Variants in FAM234A observed in about 807,000 individuals in gnomAD.
The protein encoded by FAM234A is family with sequence similarity 234 member A.
A neutral mutation model predicts 49.1 loss-of-function variants in FAM234A; 42 were observed. The ratio of observed to expected loss-of-function variants is 0.86; its 90% CI spans 0.67 to 1.11. FAM234A has a LOEUF of 1.11. Ranked by LOEUF, FAM234A falls within the 50% of genes least tolerant of loss-of-function variation. FAM234A has a pLI of 0.00. For synonymous variants in FAM234A, 369 were observed against 316.2 expected (o/e 1.17, Z -1.77); for missense variants, 815 against 745.2 (o/e 1.09, Z -1.09).
At position 260,060 on chromosome 16, in the gene FAM234A, C is replaced by A. The variant is rs750610509; in HGVS notation, c.477C>A (p.Leu159=). ...GACCTGTGGCCCAAGACGTGGCCCT[C>A]GTGGAGTGTGCTGTGCCCCAGCCAA... The part of the protein sequence containing the change: ...WERPVAQDVA[L]VECAVPQPRG... The change falls in exon 5 of 13, where the codon CTC becomes CTA. Residue 159 remains leucine, a synonymous_variant. Coordinates refer to ENST00000399932, the MANE Select transcript of FAM234A (RefSeq NM_032039.4). 2.5e-6 allele frequency: 4 copies of A among 1,613,638 alleles called. No homozygotes were observed. In the East Asian group the frequency reaches 8.9e-5, roughly 36 times the overall value.
intron 1 of FAM234A, among the ~76,000 whole-genome samples, chr16:246,491 C>T (rs1390966256): frequency 1.5e-5 from 2 of 133,754 alleles, no homozygotes; most frequent in Non-Finnish European, 3.1e-5. Flanking sequence ...GCGATCTTGG[C>T]TCACTGCAAG....
At chr16:235,156 A>G (rs2050355294) in intron 1 of FAM234A, among the ~76,000 whole-genome samples, 1 of 152,144 alleles carries the variant, frequency 6.6e-6, no homozygotes, top group Non-Finnish European at 1.5e-5. Flanking sequence ...ATGTTCCTCA[A>G]AGCGGGGTTT....
At chr16:241,205 A>G (rs2050600200) in intron 1 of FAM234A, among the ~76,000 whole-genome samples, 1 of 152,024 alleles carries the variant, frequency 6.6e-6, no homozygotes, top group Admixed American at 6.6e-5. Flanking sequence ...CTGGGATTAC[A>G]AATGTATGCT....
At chr16:267,730 G>A (rs113743858), downstream of FAM234A, among the ~76,000 whole-genome samples, 913 of 140,176 alleles carry the variant, frequency 6.5e-3, 6 homozygotes, top group Non-Finnish European at 0.011. Context: ...CACACCACAC[G>A]TGTGCCTCAG....
chr16:264,644 A>C lies in FAM234A; in HGVS notation c.1375A>C (p.Met459Leu). The C allele has an allele frequency of 2.5e-6, 4 of 1,611,704 alleles. No homozygotes were observed. Among genetic ancestry groups the C allele is most frequent in the East Asian group, 2.2e-5 (1 of 44,876 alleles). The change falls in exon 12 of 13, where the codon ATG (methionine) becomes CTG (leucine). Residue 459 changes from methionine to leucine, a missense_variant. Physicochemically the swap from Met to Leu is conservative, Grantham distance 15. Transcript: ENST00000399932. ...CGGGGAGGCCCGGCACAGCCTGTAC[A>C]TGTTCCACCCCACCCTGCCGCGCGT... ...ETGEARHSLY[M>L]FHPTLPRVLL...
In FAM234A at chr16:247,438, A is replaced by AT. The variant is rs997568258; in HGVS notation, c.-139-2099dup. The stretch of plus-strand genomic sequence containing the variant: ...GACAACACTCCCAGCCTTATTAATG[A>AT]TTTTTTTTTTTTAAGAGAAGTCTTG... On this transcript the variant is annotated intron_variant, in intron 1 of 12. Transcript: ENST00000399932. 3.8e-3 allele frequency among the ~76,000 whole-genome samples: 545 copies of AT among 145,228 alleles called. 12 individuals are homozygous for AT. The highest frequency in any genetic ancestry group is 0.012 in the African/African-American group (468 of 39,526).
chr16:263,913 G>A, intron 10 of FAM234A, 103 bp from the exon 11 acceptor site: 1 of 1,438,902 alleles, frequency 6.9e-7, no homozygotes, highest in Non-Finnish European at 9.7e-7. Flanking sequence ...CAGAGCATCT[G>A]CCTCCAGGGC....
At position 265,895 on chromosome 16, in the gene FAM234A, G is replaced by A. The variant is rs1221868642; in HGVS notation, c.*873G>A. 15 of 986,370 alleles carry A rather than the reference G, an allele frequency of 1.5e-5. No homozygotes were observed. The highest frequency in any genetic ancestry group is 1.1e-4 in the East Asian group (1 of 8,832). 61.1% of individuals were successfully genotyped at this position (986,370 alleles called of 1,614,324 possible). On this transcript the variant is annotated 3_prime_UTR_variant, in exon 13 of 13. Transcript: ENST00000399932. ...GGCAAGCGCCTGCCTCTCCCCTTCC[G>A]GTGCTCACACGCCCACGCCGTGCCA...
At chr16:258,705 G>A (rs975865677) in intron 3 of FAM234A, among the ~76,000 whole-genome samples, 2 of 152,126 alleles carry the variant, frequency 1.3e-5, no homozygotes, top group Non-Finnish European at 2.9e-5. Flanking sequence ...CGGGCAGAGG[G>A]GCTCCTCACT....
At chr16:251,997 C>T (rs185795724) in intron 2 of FAM234A, among the ~76,000 whole-genome samples, 247 of 130,312 alleles carry the variant, frequency 1.9e-3, no homozygotes, top group African/African-American at 7.0e-3. Flanking sequence ...AATGAGACTC[C>T]GTCTCAAAAA....
intron 1 of FAM234A, among the ~76,000 whole-genome samples, chr16:238,765 CAAAAA>C (rs34366851): frequency 7.9e-5 from 3 of 37,898 alleles, no homozygotes; most frequent in Admixed American, 3.5e-4. Flanking sequence ...GACTCCGTCT[CAAAAA>C]AAAAAAAAAA....
At chr16:269,006 G>A, downstream of FAM234A, 1 of 1,441,994 alleles carries the variant, frequency 6.9e-7, no homozygotes, top group South Asian at 1.2e-5. Context: ...CTCTCTTCAG[G>A]TAACAGGCTC....
chr16:235,393 C>T (rs2050363862), intron 1 of FAM234A, among the ~76,000 whole-genome samples: 1 of 152,192 alleles, frequency 6.6e-6, no homozygotes, highest in South Asian at 2.1e-4. Flanking sequence ...GCCGAGGTTG[C>T]TCGTCTGTGG....
chr16:262,517 T>C lies in FAM234A; in HGVS notation c.935T>C (p.Met312Thr). The stretch of plus-strand genomic sequence containing the variant: ...AAGAGTGACCCGCACTGGGAGAGCA[T>C]GCTCAATGCCACCACCCGCAGGATG... ...PFKSDPHWES[M>T]LNATTRRMLS... Residue 312 changes from methionine (M) to threonine (T), a missense_variant, in exon 8 of 13, where the codon ATG (methionine) becomes ACG (threonine). Transcript: ENST00000399932. 6.2e-7 allele frequency: 1 copy of C among 1,611,108 alleles called. No individual in the cohort carries two copies. The highest frequency in any genetic ancestry group is 8.5e-7 in the Non-Finnish European group (1 of 1,178,666).
chr16:259,954 T>C lies in FAM234A; in HGVS notation c.386-15T>C, dbSNP rs765063498. 3.7e-6 allele frequency: 6 copies of C among 1,608,602 alleles called. No individual in the cohort carries two copies. The highest frequency in any genetic ancestry group is 5.1e-6 in the Non-Finnish European group (6 of 1,177,268). ...AGATGGTGCAACAGTGAGGTGCCGG[T>C]GTCTCTCCCTACAGGCTTTTCCTCT... On this transcript the variant is annotated splice_polypyrimidine_tract_variant and intron_variant, in intron 4 of 12. Coordinates refer to ENST00000399932, the MANE Select transcript of FAM234A (RefSeq NM_032039.4).
rs112296788 is a variant in FAM234A at position 237,791 on chromosome 16, G to A, written c.-140+2934G>A. Among the ~76,000 whole-genome samples, 1,090 of 144,158 alleles carry A rather than the reference G, an allele frequency of 7.6e-3. 14 individuals carry two copies. The highest frequency in any genetic ancestry group is 0.027 in the African/African-American group (1,032 of 38,554). The allele number at this position is 144,158 out of a possible 152,430, so 94.6% of individuals were successfully genotyped here. A position where few individuals can be genotyped will look rare whatever the true frequency, so the allele number is the denominator to read the frequency against. ...CAGTGACGTGATCTTGGCTCATTCCGCCTCCCTGGTCCAGCTATTCTCTTG... is the reference window on the plus strand; with the variant it reads ...CAGTGACGTGATCTTGGCTCATTCCACCTCCCTGGTCCAGCTATTCTCTTG... On this transcript the variant is annotated intron_variant, in intron 1 of 12. Transcript: ENST00000399932.
At chr16:257,257 T>G (rs867759942) in intron 3 of FAM234A, among the ~76,000 whole-genome samples, 1,763 of 143,994 alleles carry the variant, frequency 0.012, 20 homozygotes, top group African/African-American at 0.043. Flanking sequence ...TTTTTTTTTT[T>G]TTTTTGGAGA....
intron 3 of FAM234A, among the ~76,000 whole-genome samples, chr16:256,060 G>A (rs533816723): frequency 1.8e-4 from 27 of 152,346 alleles, no homozygotes; most frequent in Non-Finnish European, 2.6e-4. Flanking sequence ...TTTGTGTCGT[G>A]GTCTGTCTGT....
rs1365009942 is a variant in FAM234A, at chr16:262,579, C to T, written c.971+26C>T. On this transcript the variant is annotated intron_variant, in intron 8 of 12. Coordinates refer to ENST00000399932, the MANE Select transcript of FAM234A (RefSeq NM_032039.4). ...GTGGGTCCGGGCCGCAGCCTTTCTCCATGCAGAGCGCCCACCCCATGGCTC... is the reference window on the plus strand; with the variant it reads ...GTGGGTCCGGGCCGCAGCCTTTCTCTATGCAGAGCGCCCACCCCATGGCTC... 3 of 1,553,890 alleles carry T rather than the reference C, an allele frequency of 1.9e-6. No homozygotes were observed. The African/African-American group carries it at 4.1e-5, about 21-fold the overall frequency.
Sources: gnomAD v4.1 joint callset for allele counts (sites outside exome capture counted in the v4.1 genomes callset) on GRCh38, gnomAD v4.1.1 for gene constraint, MANE v1.5 for transcripts, NCBI Gene and HGNC (gene_info 2026-07-23, HGNC 2026-07-21) for gene names.